TBK1: variants seen among roughly 807,000 people sequenced by gnomAD.
TBK1 encodes serine/threonine-protein kinase TBK1.
TBK1 carries 37 observed loss-of-function variants against 99.9 expected under a neutral mutation model. The observed-to-expected ratio is 0.37, with a 90% CI of 0.28 to 0.49. TBK1 has a LOEUF of 0.49. Among genes scored for constraint, TBK1 ranks in the 20% least tolerant of loss-of-function variants. The pLI, the probability that TBK1 is intolerant of heterozygous loss-of-function variation, is 0.98. For synonymous variants in TBK1, 258 were observed against 279.8 expected (o/e 0.92, Z 0.78); for missense variants, 644 against 872.5 (o/e 0.74, Z 3.30).
At chr12:64,468,164 G>A (rs1287501778) in intron 5 of TBK1, among the ~76,000 whole-genome samples, 1 of 151,902 alleles carries the variant, frequency 6.6e-6, no homozygotes, top group African/African-American at 2.4e-5. Flanking sequence ...ATCTGGCCTG[G>A]GCTATAAAGC....
chr12:64,453,294 C>A (rs1435827488), intron 1 of TBK1, among the ~76,000 whole-genome samples: 1 of 152,108 alleles, frequency 6.6e-6, no homozygotes, highest in Non-Finnish European at 1.5e-5. Context: ...AAATATTTTT[C>A]TTATTATCCT....
chr12:64,486,831 CATTTTCATCACCCCAGAAA>C (rs1340561844), intron 11 of TBK1, among the ~76,000 whole-genome samples: 1 of 152,122 alleles, frequency 6.6e-6, no homozygotes, highest in Non-Finnish European at 1.5e-5. Flanking sequence ...AATTTTAGAA[CATTTTCATCACCCCAGAAA>C]GTATCTCTGC....
rs144462850 is a variant in TBK1 at position 64,466,920 on chromosome 12, A to G, written c.378A>G (p.Leu126=). The G allele has an allele frequency of 2.3e-5, 37 of 1,595,160 alleles. No individual in the cohort carries two copies. Among genetic ancestry groups the G allele is most frequent in the African/African-American group, 2.3e-4 (17 of 74,110 alleles). The change falls in exon 5 of 21, where the codon CTA becomes CTG. Residue 126 remains leucine (L), a synonymous_variant. Transcript: ENST00000331710. ...TTGAAGTGGGTGGAATGAATCATCT[A>G]CGAGAGAATGGTATAGTGCACCGTG... ...LRDVVGGMNH[L]RENGIVHRDI... is the part of the protein sequence containing the mutation.
chr12:64,467,162 TC>T, intron 5 of TBK1, 80 bp downstream of exon 5: 1 of 1,146,638 alleles, frequency 8.7e-7, no homozygotes, highest in Non-Finnish European at 1.2e-6. Flanking sequence ...GTCAGCCAAT[TC>T]ACTATAAAAT....
chr12:64,501,459 G>T lies in TBK1; in HGVS notation c.*78G>T. On this transcript the variant is annotated 3_prime_UTR_variant, in exon 21 of 21. Transcript: ENST00000331710. ...TGGGCATTAAATGAATGCCTTTATA[G>T]ATAGTCACTTGTTTCTACAATTCAG... 7.4e-7 allele frequency: 1 copy of T among 1,357,458 alleles called. No homozygotes were observed. The highest frequency in any genetic ancestry group is 1.0e-6 in the Non-Finnish European group (1 of 961,644). 84.1% of individuals were successfully genotyped at this position (1,357,458 alleles called of 1,614,324 possible). A position where few individuals can be genotyped will look rare whatever the true frequency, so the allele number is the denominator to read the frequency against.
At chr12:64,462,050 T>G (rs1186288311) in intron 3 of TBK1, among the ~76,000 whole-genome samples, 1 of 152,188 alleles carries the variant, frequency 6.6e-6, no homozygotes. Context: ...CTGGATCATT[T>G]ATTGCCTGTA....
chr12:64,467,098 C>CG lies in TBK1; in HGVS notation c.540+16_540+17insG, dbSNP rs764538939. 1 of 1,516,320 alleles carries CG rather than the reference C, an allele frequency of 6.6e-7. No individual in the cohort carries two copies. The highest frequency in any genetic ancestry group is 8.9e-7 in the Non-Finnish European group (1 of 1,125,886). 93.9% of individuals were successfully genotyped at this position (1,516,320 alleles called of 1,614,324 possible). The stretch of plus-strand genomic sequence containing the variant: ...AGAATATTTGGTAAGTCATGTATCA[C>CG]TAATATTTTCATTTAAAGAAGCTTG... On this transcript the variant is annotated intron_variant, in intron 5 of 20. Transcript: ENST00000331710.
chr12:64,466,952 A>C lies in TBK1; in HGVS notation c.410A>C (p.Lys137Thr). ...RENGIVHRDI[K>T]PGNIMRVIGE... ...AATGGTATAGTGCACCGTGATATCA[A>C]GCCAGGAAATATCATGCGTGTTATA... is the stretch of plus-strand genomic sequence containing the variant. The change falls in exon 5 of 21, where the codon AAG (lysine) becomes ACG (threonine). Residue 137 changes from lysine (K) to threonine (T), a missense_variant. Physicochemically the swap from Lys to Thr is moderately conservative, Grantham distance 78. This residue lies in a region of TBK1 where 148 missense variants were observed against 202.1 expected (regional missense o/e 0.73). Transcript: ENST00000331710. 1 of 1,612,840 alleles carries C rather than the reference A, an allele frequency of 6.2e-7. No homozygotes were observed. Among genetic ancestry groups the C allele is most frequent in the Non-Finnish European group, 8.5e-7 (1 of 1,179,426 alleles).
intron 5 of TBK1, among the ~76,000 whole-genome samples, chr12:64,470,862 C>CTTTAG (rs1462350006): frequency 6.6e-6 from 1 of 152,196 alleles, no homozygotes; most frequent in Non-Finnish European, 1.5e-5. Context: ...CACAGTTTAG[C>CTTTAG]TTTTGCCTCT....
intron 7 of TBK1, 96 bp from the exon 8 acceptor site, chr12:64,481,746 A>G: frequency 2.3e-6 from 2 of 867,002 alleles, no homozygotes; most frequent in Middle Eastern, 5.3e-4. Flanking sequence ...AGTAATAATG[A>G]CAGTTCCTTT....
chr12:64,488,422 A>G, intron 11 of TBK1, 65 bp from the exon 12 acceptor site: 1 of 912,036 alleles, frequency 1.1e-6, no homozygotes, highest in South Asian at 1.8e-5. Flanking sequence ...ACTGCAGTAT[A>G]ATTAGTGATA....
chr12:64,474,418 A>G, intron 6 of TBK1, 28 bp downstream of exon 6: 1 of 1,585,396 alleles, frequency 6.3e-7, no homozygotes, highest in Admixed American at 1.8e-5. Flanking sequence ...CTAAAATCAG[A>G]GAAGCATTTA....
intron 20 of TBK1, among the ~76,000 whole-genome samples, chr12:64,500,753 CTTTTTTTTTTTTTT>C (rs1009756107): frequency 3.0e-5 from 3 of 98,966 alleles, no homozygotes; most frequent in African/African-American, 1.1e-4. Context: ...AACTCGGTAT[CTTTTTTTTTTTTTT>C]TTTTTTTTTG....
At chr12:64,485,412 TCAAAAAG>T (rs1354118734) in intron 9 of TBK1, 36 bp from the exon 10 acceptor site, 7 of 1,061,454 alleles carry the variant, frequency 6.6e-6, no homozygotes, top group Middle Eastern at 3.0e-4. Flanking sequence ...AGTGATTTTT[TCAAAAAG>T]TTTTCTTTCT....
chr12:64,497,859 A>G (rs575615699), intron 19 of TBK1, 105 bp downstream of exon 19: 59 of 1,378,440 alleles, frequency 4.3e-5, no homozygotes, highest in Admixed American at 2.4e-4. Flanking sequence ...TTGTAATACA[A>G]TGTTTAATAA....
intron 3 of TBK1, among the ~76,000 whole-genome samples, chr12:64,463,614 A>C (rs1324168199): frequency 1.3e-5 from 2 of 149,882 alleles, no homozygotes; most frequent in Admixed American, 1.3e-4. Context: ...CAGGAGAATC[A>C]CTTGAACCTT....
chr12:64,467,177 A>G, intron 5 of TBK1, 95 bp downstream of exon 5: 1 of 1,000,222 alleles, frequency 1.0e-6, no homozygotes, highest in South Asian at 2.6e-5. Context: ...ATAAAATGTC[A>G]TTTTTATGAC....
intron 2 of TBK1, among the ~76,000 whole-genome samples, chr12:64,458,116 C>T (rs185505350): frequency 7.5e-4 from 113 of 151,648 alleles, no homozygotes; most frequent in African/African-American, 2.6e-3. Context: ...CACACACACA[C>T]ACACATACAC....
intron 7 of TBK1, among the ~76,000 whole-genome samples, chr12:64,481,429 A>G (rs1409467414): frequency 3.3e-5 from 5 of 152,176 alleles, no homozygotes; most frequent in Non-Finnish European, 5.9e-5. Flanking sequence ...TAAGAACTCT[A>G]AGTACTACAA....
Sources: gnomAD v4.1 joint callset for allele counts (sites outside exome capture counted in the v4.1 genomes callset) on GRCh38, gnomAD v4.1.1 for gene constraint, gnomAD v4.1.1 regional missense constraint, MANE v1.5 for transcripts, NCBI Gene and HGNC (gene_info 2026-07-23, HGNC 2026-07-21) for gene names.